SNRPN: variants seen among roughly 807,000 people sequenced by gnomAD.
SNRPN encodes the protein small nuclear ribonucleoprotein-associated protein N.
SNRPN carries 7 observed loss-of-function variants against 25.2 expected under a neutral mutation model. The observed-to-expected ratio is 0.28, with a 90% CI of 0.16 to 0.52. SNRPN has a LOEUF of 0.52. Among genes scored for constraint, SNRPN ranks in the 20% least tolerant of loss-of-function variants. SNRPN has a pLI of 0.96. For synonymous variants in SNRPN, 124 were observed against 110.6 expected, an observed-to-expected ratio of 1.12 and a Z score of -0.76; for missense variants, 196 against 322.5, an observed-to-expected ratio of 0.61 and a Z score of 3.00.
intron 2 of SNRPN, among the ~76,000 whole-genome samples, chr15:24,918,587 AATATATATGTATATATATAACATAAT>A (rs2059737294): frequency 2.7e-4 from 27 of 100,026 alleles, no homozygotes; most frequent in African/African-American, 1.1e-3. Flanking sequence ...TATATAACAT[AATATATATGTATATATATAACATAAT>A]ATATATGTGT....
At chr15:24,954,206 G>A (rs1480722323), upstream of SNRPN, among the ~76,000 whole-genome samples, 8 of 152,108 alleles carry the variant, frequency 5.3e-5, no homozygotes, top group Non-Finnish European at 2.9e-5. Flanking sequence ...TTGTCCATTA[G>A]TATTATATAA....
At chr15:24,975,194 A>G (rs1026073090) in intron 4 of SNRPN, among the ~76,000 whole-genome samples, 164 bp from the exon 5 acceptor site, 1 of 152,194 alleles carries the variant, frequency 6.6e-6, no homozygotes, top group South Asian at 2.1e-4. Context: ...TGGTCCTCCA[A>G]AGAGCCATAC....
chr15:24,967,380 T>G (rs1596280380), intron 2 of SNRPN: 1 of 156,974 alleles, frequency 6.4e-6, no homozygotes, highest in Non-Finnish European at 1.4e-5. Context: ...TGGCTCACGC[T>G]TGTAATCCCA....
rs74005382 is a variant in SNRPN at position 24,869,664 on chromosome 15, C to T, written c.-579+12948C>T. ...ATGTCATTGTAACCACATCATATCACGGGTGTCTACTATCAACATGATTCA... is the reference window on the plus strand; with the variant it reads ...ATGTCATTGTAACCACATCATATCATGGGTGTCTACTATCAACATGATTCA... On this transcript the variant is annotated intron_variant, in intron 1 of 11. Transcript: ENST00000400097. Among the ~76,000 whole-genome samples the T allele has an allele frequency of 3.2e-3, 484 of 152,246 alleles. 2 individuals carry two copies. The highest frequency in any genetic ancestry group is 0.011 in the African/African-American group (459 of 41,558).
chr15:24,834,770 T>G (rs1426931095), intron 2 of SNRPN, among the ~76,000 whole-genome samples: 2 of 133,632 alleles, frequency 1.5e-5, no homozygotes, highest in African/African-American at 5.5e-5. Context: ...TATATATATA[T>G]ATATATATAG....
rs1366957785 is a variant in SNRPN at position 24,871,859 on chromosome 15, C to T, written c.-578-14657C>T. 7.4e-5 allele frequency among the ~76,000 whole-genome samples: 9 copies of T among 120,900 alleles called. 1 individual carries two copies. Among genetic ancestry groups the T allele is most frequent in the African/African-American group, 2.5e-4 (9 of 35,480 alleles). 79.3% of individuals were successfully genotyped at this position (120,900 alleles called of 152,430 possible). A position where few individuals can be genotyped will look rare whatever the true frequency, so the allele number is the denominator to read the frequency against. On this transcript the variant is annotated intron_variant, in intron 1 of 11. Transcript: ENST00000400097. ...AGCTGGGACTACAGGCGCCCACCAC[C>T]ACGCCTGGCTAATTTTTTTGTACTT...
At chr15:24,835,565 A>C (rs757285672) in intron 2 of SNRPN, among the ~76,000 whole-genome samples, 3 of 152,084 alleles carry the variant, frequency 2.0e-5, no homozygotes, top group Admixed American at 6.5e-5. Flanking sequence ...ACTAAAATTC[A>C]GATCATTCCC....
In SNRPN at chr15:24,939,430, A is replaced by ATG. The variant is rs1160452687; in HGVS notation, c.-391+19307_-391+19308insGT. On this transcript the variant is annotated intron_variant, in intron 3 of 11. Coordinates refer to the SNRPN transcript ENST00000400097. ...CGTTTGCCCATTTTTATGTATGTAT[A>ATG]TATGTATGTATTTATTTATTGAGAT... Among the ~76,000 whole-genome samples the ATG allele has an allele frequency of 6.4e-3, 972 of 152,024 alleles. 6 individuals are homozygous for ATG. The highest frequency in any genetic ancestry group is 9.8e-3 in the Admixed American group (150 of 15,266).
At chr15:24,926,011 G>A (rs1052391469) in intron 3 of SNRPN, among the ~76,000 whole-genome samples, 7 of 152,126 alleles carry the variant, frequency 4.6e-5, no homozygotes, top group African/African-American at 1.7e-4. Flanking sequence ...TGGGATTACA[G>A]GCCTGAGCCA....
At chr15:24,894,065 A>T (rs2057887259) in intron 2 of SNRPN, among the ~76,000 whole-genome samples, 1 of 152,186 alleles carries the variant, frequency 6.6e-6, no homozygotes, top group Admixed American at 6.6e-5. Context: ...ACTCCCCCTG[A>T]GAGCTGGCAA....
intron 2 of SNRPN, among the ~76,000 whole-genome samples, chr15:24,886,963 G>A (rs1205225220): frequency 1.3e-5 from 2 of 152,096 alleles, no homozygotes; most frequent in Non-Finnish European, 2.9e-5. Flanking sequence ...GGAATGGGAT[G>A]TAAAGTGACA....
upstream of SNRPN, among the ~76,000 whole-genome samples, chr15:24,854,252 C>A (rs1566827984): frequency 6.6e-6 from 1 of 152,146 alleles, no homozygotes; most frequent in Non-Finnish European, 1.5e-5. Context: ...GCTACAGTGG[C>A]AGTTAGTTTC....
intron 1 of SNRPN, among the ~76,000 whole-genome samples, chr15:24,826,796 A>G (rs960763302): frequency 6.6e-6 from 1 of 152,100 alleles, no homozygotes; most frequent in Admixed American, 6.5e-5. Context: ...ATCTCTGCCA[A>G]TTAAACTAGA....
chr15:24,962,650 C>T (rs420067), intron 2 of SNRPN, among the ~76,000 whole-genome samples: 19,568 of 151,916 alleles, frequency 0.13, 2,422 homozygotes, highest in African/African-American at 0.33. Flanking sequence ...TGTTTTTTAT[C>T]CTGTTTTAAG....
chr15:24,977,883 C>T lies in SNRPN; in HGVS notation c.526C>T (p.Pro176Ser). The change falls in exon 8 of 10, where the codon CCC becomes TCC. Residue 176 changes from proline to serine, a missense_variant. By Grantham distance (74) the Pro-to-Ser change is moderately conservative. Transcript: ENST00000390687. ...GTACCCACCAGGACGGGGCACTCCG[C>T]CCCCACCCGTCGGCAGAGCAACCCC... ...TQYPPGRGTP[P>S]PPVGRATPPP... 2 of 1,593,152 alleles carry T rather than the reference C, an allele frequency of 1.3e-6. No homozygotes were observed. The highest frequency in any genetic ancestry group is 2.2e-5 in the East Asian group (1 of 44,458).
chr15:24,858,510 A>G (rs1322606766), intron 1 of SNRPN, among the ~76,000 whole-genome samples: 1 of 152,044 alleles, frequency 6.6e-6, no homozygotes, highest in African/African-American at 2.4e-5. Context: ...CAAAAAGTAA[A>G]CCAGGAGCCT....
chr15:24,858,361 T>A (rs2053631992), intron 1 of SNRPN, among the ~76,000 whole-genome samples: 1 of 152,154 alleles, frequency 6.6e-6, no homozygotes, highest in African/African-American at 2.4e-5. Flanking sequence ...CAGATCTCTT[T>A]CACTGTAATA....
chr15:24,961,748 A>G (rs1399866047), intron 1 of SNRPN, among the ~76,000 whole-genome samples: 2 of 152,164 alleles, frequency 1.3e-5, no homozygotes, highest in Admixed American at 6.5e-5. Flanking sequence ...TTTGGAAATC[A>G]GGTTTACTGT....
intron 3 of SNRPN, among the ~76,000 whole-genome samples, chr15:24,949,301 C>A (rs553182384): frequency 1.3e-5 from 2 of 152,012 alleles, no homozygotes; most frequent in Non-Finnish European, 2.9e-5. Flanking sequence ...GGATTACAGG[C>A]GTGAGCCACC....
Sources: gnomAD v4.1 joint callset for allele counts (sites outside exome capture counted in the v4.1 genomes callset) on GRCh38, gnomAD v4.1.1 for gene constraint, MANE v1.5 for transcripts, NCBI Gene and HGNC (gene_info 2026-07-23, HGNC 2026-07-21) for gene names.